VAV3: variants seen among roughly 807,000 people sequenced by gnomAD.
The protein encoded by VAV3 is guanine nucleotide exchange factor VAV3.
Under a neutral mutation model 131.2 loss-of-function variants are expected in VAV3, and 94 were observed. The ratio of observed to expected loss-of-function variants is 0.72; its 90% confidence interval spans 0.61 to 0.85. The LOEUF (loss-of-function observed/expected upper bound fraction) is 0.85, where lower values mean the gene tolerates loss of function less well. VAV3 is among the 40% of genes least tolerant of loss of function. The pLI is 0.00. For missense variants in VAV3, 939 were observed against 1,002.7 expected, an observed-to-expected ratio of 0.94 and a Z score of 0.86; for synonymous variants, 349 against 342.0, an observed-to-expected ratio of 1.02 and a Z score of -0.22.
intron 25 of VAV3, chr1:107,578,758 T>G (rs1649832629): frequency 1.0e-6 from 1 of 984,904 alleles, no homozygotes; most frequent in Non-Finnish European, 1.2e-6. Flanking sequence ...GTTTTCTAAG[T>G]GTCCATCCTT....
intron 19 of VAV3, among the ~76,000 whole-genome samples, chr1:107,649,115 G>A (rs1655959429): frequency 6.6e-6 from 1 of 151,926 alleles, no homozygotes; most frequent in South Asian, 2.1e-4. Flanking sequence ...AGAACTCTTA[G>A]AGCCTGACAC....
chr1:107,687,654 A>G (rs1390523232), intron 18 of VAV3, among the ~76,000 whole-genome samples: 1 of 152,146 alleles, frequency 6.6e-6, no homozygotes, highest in East Asian at 1.9e-4. Flanking sequence ...TCTGTCTGAA[A>G]TTTTATAATT....
chr1:107,761,688 A>G (rs1054343667), intron 9 of VAV3, among the ~76,000 whole-genome samples: 3 of 152,190 alleles, frequency 2.0e-5, no homozygotes, highest in African/African-American at 7.2e-5. Context: ...CGTAACAATT[A>G]CAATCACAAT....
intron 20 of VAV3, among the ~76,000 whole-genome samples, chr1:107,626,499 C>A (rs1557713923): frequency 6.6e-6 from 1 of 152,112 alleles, no homozygotes; most frequent in Non-Finnish European, 1.5e-5. Flanking sequence ...CCGACTGAGC[C>A]TCTACACTTT....
chr1:107,920,871 T>C (rs1219008031), intron 1 of VAV3, among the ~76,000 whole-genome samples: 1 of 152,216 alleles, frequency 6.6e-6, no homozygotes, highest in Non-Finnish European at 1.5e-5. Context: ...TTAAGCTAGC[T>C]GAGAACAGAC....
Position 107,688,375 on chromosome 1 carries a change from T to C in VAV3, c.1731+6A>G, listed in dbSNP as rs1659183922. On this transcript the variant is annotated splice_donor_region_variant and intron_variant, in intron 18 of 26. Transcript: ENST00000370056. ...TTATAAAAAATATTTAAAATGTTAA[T>C]CTTACCTCTGGTAGTTTGAGTGTCC... The C allele has an allele frequency of 1.2e-6, 2 of 1,612,646 alleles. No homozygotes were observed. Among genetic ancestry groups the C allele is most frequent in the Non-Finnish European group, 1.7e-6 (2 of 1,179,368 alleles).
At chr1:107,852,266 TC>T (rs1473064258) in intron 2 of VAV3, among the ~76,000 whole-genome samples, 1 of 152,062 alleles carries the variant, frequency 6.6e-6, no homozygotes, top group Non-Finnish European at 1.5e-5. Flanking sequence ...TTCTCAACCT[TC>T]CAAAAAAATA....
At chr1:107,821,783 G>C (rs1362073287) in intron 2 of VAV3, among the ~76,000 whole-genome samples, 1 of 152,220 alleles carries the variant, frequency 6.6e-6, no homozygotes, top group Non-Finnish European at 1.5e-5. Flanking sequence ...AGGGAGACCT[G>C]ATTAGTTAGT....
At chr1:107,920,696 C>G (rs1194162457) in intron 1 of VAV3, among the ~76,000 whole-genome samples, 1 of 152,168 alleles carries the variant, frequency 6.6e-6, no homozygotes, top group African/African-American at 2.4e-5. Flanking sequence ...AAAGTGAGCT[C>G]AAAGAAAATA....
At chr1:107,958,336 T>C (rs1416365069) in intron 1 of VAV3, among the ~76,000 whole-genome samples, 3 of 152,184 alleles carry the variant, frequency 2.0e-5, no homozygotes, top group Admixed American at 1.3e-4. Context: ...TATTTGGAAT[T>C]CATGCCTCAA....
intron 20 of VAV3, among the ~76,000 whole-genome samples, chr1:107,642,290 C>T (rs1294243194): frequency 2.6e-5 from 4 of 152,130 alleles, no homozygotes; most frequent in East Asian, 1.9e-4. Flanking sequence ...GACCTCTGGT[C>T]GTCCTCACTA....
At chr1:107,928,322 C>T (rs1673258655) in intron 1 of VAV3, among the ~76,000 whole-genome samples, 1 of 152,124 alleles carries the variant, frequency 6.6e-6, no homozygotes, top group Non-Finnish European at 1.5e-5. Flanking sequence ...GTGAAGGCTA[C>T]AATACCTAAC....
intron 2 of VAV3, among the ~76,000 whole-genome samples, chr1:107,835,260 C>T (rs1280453694): frequency 1.3e-5 from 2 of 152,180 alleles, no homozygotes; most frequent in Non-Finnish European, 2.9e-5. Context: ...TTGCCATGGC[C>T]CCACATGAGT....
chr1:107,780,705 G>A (rs1665640243), intron 2 of VAV3, among the ~76,000 whole-genome samples: 1 of 152,204 alleles, frequency 6.6e-6, no homozygotes, highest in Non-Finnish European at 1.5e-5. Context: ...TAGTAGAGAT[G>A]CAGTTTCGCT....
intron 1 of VAV3, among the ~76,000 whole-genome samples, chr1:107,952,426 T>G (rs1340319987): frequency 6.8e-6 from 1 of 146,764 alleles, no homozygotes; most frequent in Non-Finnish European, 1.5e-5. Context: ...CGTTTACCTA[T>G]GTAACAAACC....
intron 2 of VAV3, among the ~76,000 whole-genome samples, chr1:107,782,708 G>A (rs772661939): frequency 3.9e-5 from 6 of 152,090 alleles, no homozygotes; most frequent in Non-Finnish European, 7.4e-5. Context: ...TAGTCAATGC[G>A]GTGTTTTTAG....
chr1:107,632,468 C>G (rs1194247261), intron 20 of VAV3, among the ~76,000 whole-genome samples: 1 of 152,158 alleles, frequency 6.6e-6, no homozygotes, highest in East Asian at 1.9e-4. Flanking sequence ...AGATACATGA[C>G]TTGAATTTAG....
chr1:107,727,395 T>C (rs1022109874), intron 15 of VAV3, among the ~76,000 whole-genome samples: 1 of 152,242 alleles, frequency 6.6e-6, no homozygotes, highest in African/African-American at 2.4e-5. Context: ...CTTTTCATCA[T>C]TAACATTATT....
chr1:107,628,268 G>A (rs1289521516), intron 20 of VAV3, among the ~76,000 whole-genome samples: 1 of 152,234 alleles, frequency 6.6e-6, no homozygotes, highest in African/African-American at 2.4e-5. Flanking sequence ...TGAAGAAAAA[G>A]TATCTGTAAA....
Sources: gnomAD v4.1 joint callset for allele counts (sites outside exome capture counted in the v4.1 genomes callset) on GRCh38, gnomAD v4.1.1 for gene constraint, MANE v1.5 for transcripts, NCBI Gene and HGNC (gene_info 2026-07-23, HGNC 2026-07-21) for gene names.